The following USP25 variants were observed in gnomAD, a reference collection of about 807,000 sequenced individuals.
USP25 encodes the protein ubiquitin carboxyl-terminal hydrolase 25.
In USP25, 85 loss-of-function variants were observed where a neutral mutation model predicts 158.5. The ratio of observed to expected loss-of-function variants is 0.54; its 90% CI spans 0.45 to 0.64. The LOEUF (loss-of-function observed/expected upper bound fraction) is 0.64. USP25 is among the 30% of genes least tolerant of loss of function. The probability of loss-of-function intolerance (pLI) is 0.00; values close to 1 mark genes in which losing one functional copy is unlikely to be tolerated. For missense variants in USP25, 1,242 were observed against 1,327.3 expected (o/e 0.94, Z 1.00); for synonymous variants, 464 against 460.4 (o/e 1.01, Z -0.10).
chr21:15,792,783 G>A (rs2035661002), intron 5 of USP25, among the ~76,000 whole-genome samples: 1 of 151,082 alleles, frequency 6.6e-6, no homozygotes, highest in South Asian at 2.1e-4. Flanking sequence ...TGTTTTTCTG[G>A]ATTTACCTCA....
At chr21:15,818,116 C>G (rs940077638) in intron 9 of USP25, among the ~76,000 whole-genome samples, 3 of 152,102 alleles carry the variant, frequency 2.0e-5, no homozygotes, top group Admixed American at 1.3e-4. Flanking sequence ...TCCCCCAGCA[C>G]TCTGGCATGG....
chr21:15,802,082 C>A (rs1326726550), intron 6 of USP25, among the ~76,000 whole-genome samples: 1 of 151,290 alleles, frequency 6.6e-6, no homozygotes, highest in Non-Finnish European at 1.5e-5. Context: ...AGACTGATGG[C>A]AAAGCATATT....
chr21:15,879,673 A>G lies in USP25; in HGVS notation c.*1198A>G, dbSNP rs527820366. On this transcript the variant is annotated 3_prime_UTR_variant, in exon 26 of 26. Coordinates refer to ENST00000400183, the MANE Select transcript of USP25 (RefSeq NM_001283041.3). Reference sequence around the variant, plus strand: ...TGAATTCATAAAAATTTCTTTATAAATGATGTTTTGTGAACATAGTAAAAT... The same window carrying G: ...TGAATTCATAAAAATTTCTTTATAAGTGATGTTTTGTGAACATAGTAAAAT... 8 of 152,692 alleles carry G rather than the reference A, an allele frequency of 5.2e-5. No individual in the cohort carries two copies. The South Asian group carries it at 1.7e-3, about 32-fold the overall frequency. 9.5% of individuals were successfully genotyped at this position (152,692 alleles called of 1,614,324 possible). A position where few individuals can be genotyped will look rare whatever the true frequency, so the allele number is the denominator to read the frequency against.
Position 15,877,836 on chromosome 21 carries a change from A to G in USP25, c.3050A>G (p.Glu1017Gly). ...GCCGCAGAACTCTTCGAATCTGGAG[A>G]GGATCGAGAAGTAAACAATGGTTTG... ...EQAAELFESGEDREVNNGLII... is the reference protein window; with the variant it reads ...EQAAELFESGGDREVNNGLII... The change falls in exon 25 of 26, where the codon GAG (glutamate) becomes GGG (glycine). Residue 1017 changes from glutamate (E) to glycine (G), a missense_variant. Around this residue, in one of 3 missense-constraint regions of USP25, gnomAD observed 608 missense variants for 605.2 expected, o/e 1.00. Transcript: ENST00000400183. The G allele has an allele frequency of 1.2e-6, 2 of 1,612,748 alleles. No individual in the cohort carries two copies. Among genetic ancestry groups the G allele is most frequent in the South Asian group, 1.1e-5 (1 of 90,922 alleles).
At chr21:15,840,774 A>C (rs573156269) in intron 17 of USP25, among the ~76,000 whole-genome samples, 1 of 152,222 alleles carries the variant, frequency 6.6e-6, no homozygotes, top group Non-Finnish European at 1.5e-5. Context: ...TCAGTGGGTC[A>C]TTAGACCAAT....
At chr21:15,784,466 G>A (rs954818170) in intron 4 of USP25, among the ~76,000 whole-genome samples, 12 of 152,086 alleles carry the variant, frequency 7.9e-5, no homozygotes, top group Non-Finnish European at 8.8e-5. Flanking sequence ...AAGCTACTCG[G>A]GTGGCTGAGA....
chr21:15,868,674 GA>G (rs1323664896), intron 22 of USP25, among the ~76,000 whole-genome samples: 2 of 152,044 alleles, frequency 1.3e-5, no homozygotes, highest in Non-Finnish European at 2.9e-5. Context: ...ACTTTTATTG[GA>G]ACATGGCCAT....
intron 17 of USP25, among the ~76,000 whole-genome samples, chr21:15,834,435 A>C (rs1464500852): frequency 6.6e-6 from 1 of 151,816 alleles, no homozygotes; most frequent in Non-Finnish European, 1.5e-5. Context: ...TTATTGAATA[A>C]CTTTTTTTTT....
rs1395788065 is a variant in USP25, at chr21:15,730,178, C to G, written c.-216C>G. ...AGGCGGGCCGCGTGGAGACGTGAGG[C>G]GGCCGCCGTGGCCCTCACAGTCGGC... On this transcript the variant is annotated 5_prime_UTR_variant, in exon 1 of 26. Coordinates refer to ENST00000400183, the MANE Select transcript of USP25 (RefSeq NM_001283041.3). 1.1e-5 allele frequency: 3 copies of G among 271,168 alleles called. No homozygotes were observed. Among genetic ancestry groups the G allele is most frequent in the African/African-American group, 6.9e-5 (3 of 43,374 alleles). The allele number at this position is 271,168 out of a possible 1,614,324, so 16.8% of individuals were successfully genotyped here.
rs2038436729 is a variant in USP25, at chr21:15,843,477, T to C, written c.2337+937T>C. On this transcript the variant is annotated intron_variant, in intron 18 of 25. Coordinates refer to ENST00000400183, the MANE Select transcript of USP25 (RefSeq NM_001283041.3). This position sits in a 1 kb window ranked among gnomAD's most constrained non-coding sequence, Gnocchi z 4.0. The stretch of plus-strand genomic sequence containing the variant: ...AAAATGTTCAAGAGATATGGTACTC[T>C]GTTAATTTTGTTTTGATGAACTAAA... Among the ~76,000 whole-genome samples the C allele has an allele frequency of 1.3e-5, 2 of 152,236 alleles. No homozygotes were observed. The highest frequency in any genetic ancestry group is 6.5e-5 in the Admixed American group (1 of 15,290).
At chr21:15,787,696 G>C (rs1246056076) in intron 4 of USP25, among the ~76,000 whole-genome samples, 4 of 151,774 alleles carry the variant, frequency 2.6e-5, no homozygotes, top group African/African-American at 9.7e-5. Flanking sequence ...GCTTTTTTAG[G>C]AAATCAAATG....
chr21:15,859,083 A>T (rs1266664072), intron 20 of USP25, among the ~76,000 whole-genome samples: 4 of 150,498 alleles, frequency 2.7e-5, no homozygotes, highest in African/African-American at 7.3e-5. Context: ...AAATTGATCT[A>T]TAGTTTCTTT....
At chr21:15,775,326 A>G (rs973424788) in intron 3 of USP25, among the ~76,000 whole-genome samples, 3 of 152,168 alleles carry the variant, frequency 2.0e-5, no homozygotes, top group African/African-American at 7.2e-5. Context: ...AGAAATTTTC[A>G]AATAAGGAAT....
At chr21:15,805,457 A>G (rs2036334978) in intron 7 of USP25, 199 bp downstream of exon 7, 1 of 416,906 alleles carries the variant, frequency 2.4e-6, no homozygotes, top group Non-Finnish European at 4.0e-6. Context: ...TTTAATTTAT[A>G]TTATGATTGA....
At chr21:15,833,681 C>G in intron 17 of USP25, 133 bp downstream of exon 17, 1 of 781,370 alleles carries the variant, frequency 1.3e-6, no homozygotes, top group African/African-American at 1.8e-5. Flanking sequence ...TTCCATCACT[C>G]AGATTATCAC....
chr21:15,838,591 C>T (rs911703785), intron 17 of USP25, among the ~76,000 whole-genome samples: 2 of 152,204 alleles, frequency 1.3e-5, no homozygotes, highest in Middle Eastern at 3.4e-3. Context: ...ACCACCTAAG[C>T]GTGGCTCTTT....
At chr21:15,760,339 T>G (rs1303442278) in intron 1 of USP25, among the ~76,000 whole-genome samples, 1 of 152,180 alleles carries the variant, frequency 6.6e-6, no homozygotes, top group East Asian at 1.9e-4. Context: ...GAGGAGACCA[T>G]GCAGTGACAA....
At chr21:15,753,325 A>G (rs1313937332) in intron 1 of USP25, among the ~76,000 whole-genome samples, 1 of 152,206 alleles carries the variant, frequency 6.6e-6, no homozygotes, top group Non-Finnish European at 1.5e-5. Flanking sequence ...CCAACTGACT[A>G]GGTGAGAGCT....
At chr21:15,772,847 T>C (rs2034435119) in intron 3 of USP25, among the ~76,000 whole-genome samples, 1 of 152,170 alleles carries the variant, frequency 6.6e-6, no homozygotes, top group African/African-American at 2.4e-5. Flanking sequence ...GCATTTGATA[T>C]GTGAGGCATC....
Sources: allele counts gnomAD v4.1 joint callset (sites outside exome capture counted in the v4.1 genomes callset), GRCh38; gene constraint gnomAD v4.1.1; regional missense constraint gnomAD v4.1.1; non-coding constraint Gnocchi (gnomAD v3.1); transcripts MANE v1.5; gene names NCBI Gene and HGNC (gene_info 2026-07-23, HGNC 2026-07-21).